The following HSPA4L variants were observed in gnomAD, a reference collection of about 807,000 sequenced individuals.
HSPA4L encodes heat shock protein family A (Hsp70) member 4 like, also known as heat shock 70 kDa protein 4L.
In HSPA4L, 48 loss-of-function variants were observed where a neutral mutation model predicts 100.3. The ratio of observed to expected loss-of-function variants is 0.48; its 90% CI spans 0.38 to 0.61. The LOEUF is 0.61. Among genes scored for constraint, HSPA4L ranks in the 20% least tolerant of loss-of-function variants. The pLI, the probability that HSPA4L is intolerant of heterozygous loss-of-function variation, is 0.00. For synonymous variants in HSPA4L, 319 were observed against 328.2 expected (o/e 0.97, Z 0.30); for missense variants, 886 against 988.6 (o/e 0.90, Z 1.39).
rs540609129 is a variant in HSPA4L at position 127,803,703 on chromosome 4, T to A, written c.738T>A (p.Asp246Glu). 6.2e-7 allele frequency: 1 copy of A among 1,613,958 alleles called. No individual in the cohort carries two copies. The highest frequency in any genetic ancestry group is 8.5e-7 in the Non-Finnish European group (1 of 1,179,920). ...AGGCTTTAGTAGACTACTTCTGTGA[T>A]GAGTTCAAGACCAAATATAAGATAA... Reference protein sequence around the residue: ...FDEALVDYFCDEFKTKYKINV... With the variant: ...FDEALVDYFCEEFKTKYKINV... Residue 246 changes from aspartate (D) to glutamate (E), a missense_variant, in exon 7 of 19, where the codon GAT becomes GAA. Physicochemically the swap from Asp to Glu is conservative, Grantham distance 45. Transcript: ENST00000296464.
chr4:127,827,108 A>G (rs1456106816), intron 16 of HSPA4L, among the ~76,000 whole-genome samples, 197 bp from the exon 17 acceptor site: 4 of 152,184 alleles, frequency 2.6e-5, no homozygotes, highest in Non-Finnish European at 4.4e-5. Context: ...TGAGAAAAAG[A>G]TAAGGTGTGT....
intron 13 of HSPA4L, among the ~76,000 whole-genome samples, chr4:127,818,896 AG>A (rs1490821867): frequency 2.6e-5 from 4 of 151,974 alleles, no homozygotes; most frequent in Non-Finnish European, 4.4e-5. Context: ...AAAAAAAAAA[AG>A]GAAATTTTAT....
intron 1 of HSPA4L, among the ~76,000 whole-genome samples, chr4:127,787,643 G>A (rs1732755146): frequency 6.6e-6 from 1 of 151,984 alleles, no homozygotes; most frequent in Admixed American, 6.6e-5. Flanking sequence ...CAAACTTATG[G>A]CTCTAATTTA....
chr4:127,782,073 C>A (rs991638213), upstream of HSPA4L: 1 of 455,666 alleles, frequency 2.2e-6, no homozygotes, highest in Non-Finnish European at 4.4e-6. Flanking sequence ...TGCCTAGCCT[C>A]CTTTCCCCGA....
chr4:127,812,604 T>C (rs1733565683), intron 12 of HSPA4L: 2 of 635,704 alleles, frequency 3.1e-6, no homozygotes, highest in Non-Finnish European at 2.8e-6. Context: ...GCATTAGATT[T>C]TTTGTCTAAT....
chr4:127,825,000 C>T (rs1394613615), intron 16 of HSPA4L, among the ~76,000 whole-genome samples: 3 of 152,064 alleles, frequency 2.0e-5, no homozygotes, highest in Non-Finnish European at 1.5e-5. Flanking sequence ...ATTAGCTGAG[C>T]GTGGTGGCGG....
intron 6 of HSPA4L, 58 bp downstream of exon 6, chr4:127,801,976 C>A (rs780229326): frequency 3.6e-6 from 5 of 1,394,172 alleles, no homozygotes; most frequent in East Asian, 4.7e-5. Context: ...ACTAAAGAAC[C>A]GTAATAGCTG....
chr4:127,827,479 T>G, intron 17 of HSPA4L, 55 bp downstream of exon 17: 1 of 1,596,722 alleles, frequency 6.3e-7, no homozygotes, highest in Non-Finnish European at 8.6e-7. Context: ...GTACATAGAA[T>G]GGGGCAAATC....
chr4:127,801,497 GTGTGTA>G (rs1426211290), intron 5 of HSPA4L, among the ~76,000 whole-genome samples: 56 of 116,846 alleles, frequency 4.8e-4, no homozygotes, highest in Admixed American at 2.5e-3. Flanking sequence ...GTGTGTGTGT[GTGTGTA>G]TGTACTGATT....
Position 127,823,592 on chromosome 4 carries a change from C to A in HSPA4L, c.2014C>A (p.Gln672Lys). 3 of 1,613,118 alleles carry A rather than the reference C, an allele frequency of 1.9e-6. No individual in the cohort carries two copies. Among genetic ancestry groups the A allele is most frequent in the Non-Finnish European group, 2.5e-6 (3 of 1,179,140 alleles). ...TGAAGACGGAGAGGACCAACCTAAACAAGTTTATGTGGATAAGCTTCAAGA... is the reference window on the plus strand; with the variant it reads ...TGAAGACGGAGAGGACCAACCTAAAAAAGTTTATGTGGATAAGCTTCAAGA... ...LYEDGEDQPK[Q>K]VYVDKLQELK... The change falls in exon 16 of 19, where the codon CAA becomes AAA. Residue 672 changes from glutamine (Q) to lysine (K), a missense_variant. Physicochemically the swap from Gln to Lys is moderately conservative, Grantham distance 53 (BLOSUM62 1). Coordinates refer to ENST00000296464, the MANE Select transcript of HSPA4L (RefSeq NM_014278.4).
intron 11 of HSPA4L, among the ~76,000 whole-genome samples, chr4:127,808,549 C>T (rs562621012): frequency 1.4e-4 from 22 of 152,012 alleles, no homozygotes; most frequent in Non-Finnish European, 2.8e-4. Context: ...AATACTATGT[C>T]ATTTTTTTTA....
intron 3 of HSPA4L, among the ~76,000 whole-genome samples, chr4:127,798,302 A>G (rs757194269): frequency 2.6e-5 from 4 of 152,148 alleles, no homozygotes; most frequent in Non-Finnish European, 5.9e-5. Context: ...ATGAATTATA[A>G]AAATTGTTTT....
At chr4:127,793,376 T>C (rs1732930370) in intron 1 of HSPA4L, among the ~76,000 whole-genome samples, 1 of 152,152 alleles carries the variant, frequency 6.6e-6, no homozygotes, top group Admixed American at 6.5e-5. Flanking sequence ...TATTGTGACT[T>C]GTATACATGG....
At chr4:127,814,656 C>T (rs1483851575) in intron 12 of HSPA4L, among the ~76,000 whole-genome samples, 2 of 152,140 alleles carry the variant, frequency 1.3e-5, no homozygotes, top group Admixed American at 1.3e-4. Context: ...CAACCTCCAC[C>T]TCCCAGGTTC....
Position 127,815,708 on chromosome 4 carries a change from T to C in HSPA4L, c.1579-2617T>C, listed in dbSNP as rs186650511. On this transcript the variant is annotated intron_variant, in intron 12 of 18. Transcript: ENST00000296464. The stretch of plus-strand genomic sequence containing the variant: ...CTTCTATGCACTAGGGATACAGTGA[T>C]TAAACAAGATTGAAAAGGTTGCCAC... 1.5e-3 allele frequency among the ~76,000 whole-genome samples: 235 copies of C among 152,296 alleles called. 1 individual carries two copies. Among genetic ancestry groups the C allele is most frequent in the African/African-American group, 5.2e-3 (214 of 41,552 alleles).
rs1734258158 is a variant in HSPA4L at position 127,838,323 on chromosome 4, T to A, written c.*5449T>A. The A allele has an allele frequency of 6.6e-6, 1 of 152,216 alleles. No individual in the cohort carries two copies. Among genetic ancestry groups the A allele is most frequent in the Admixed American group, 6.5e-5 (1 of 15,276 alleles). 9.4% of individuals were successfully genotyped at this position (152,216 alleles called of 1,614,324 possible). A position where few individuals can be genotyped will look rare whatever the true frequency, so the allele number is the denominator to read the frequency against. On this transcript the variant is annotated 3_prime_UTR_variant, in exon 19 of 19. Coordinates refer to ENST00000296464, the MANE Select transcript of HSPA4L (RefSeq NM_014278.4). ...TCAGTATTAAGTGGGTGATGGCTCT[T>A]TCATCTTCCTTATCCCTAAAGATAC...
intron 11 of HSPA4L, among the ~76,000 whole-genome samples, chr4:127,810,969 G>T (rs1326513398): frequency 6.6e-6 from 1 of 152,036 alleles, no homozygotes; most frequent in African/African-American, 2.4e-5. Context: ...AATGATCTCT[G>T]CAGGTATTTT....
chr4:127,808,206 T>C, intron 11 of HSPA4L, 77 bp downstream of exon 11: 1 of 1,240,598 alleles, frequency 8.1e-7, no homozygotes, highest in East Asian at 2.4e-5. Flanking sequence ...AGGAAACAAA[T>C]AGACATTTCA....
chr4:127,817,782 T>C (rs1472938066), intron 12 of HSPA4L, among the ~76,000 whole-genome samples: 1 of 152,200 alleles, frequency 6.6e-6, no homozygotes, highest in East Asian at 1.9e-4. Flanking sequence ...AGATTTTGTA[T>C]CTTTTTCATT....
Sources: allele counts gnomAD v4.1 joint callset (sites outside exome capture counted in the v4.1 genomes callset), GRCh38; gene constraint gnomAD v4.1.1; transcripts MANE v1.5; gene names NCBI Gene and HGNC (gene_info 2026-07-23, HGNC 2026-07-21).